Variants in ANXA10 observed in about 807,000 individuals in gnomAD.
ANXA10 encodes annexin 14.
A neutral mutation model predicts 53.5 loss-of-function variants in ANXA10; 49 were observed. That is an observed-to-expected ratio of 0.92 (90% CI 0.73 to 1.16). The LOEUF (loss-of-function observed/expected upper bound fraction) is 1.16. Ranked by LOEUF, ANXA10 falls within the 50% of genes most tolerant of loss-of-function variation. The pLI is 0.00. For synonymous variants in ANXA10, 131 were observed against 128.9 expected (o/e 1.02, Z -0.11); for missense variants, 393 against 394.4 (o/e 1.00, Z 0.03).
At chr4:168,173,413 G>T (rs993017416) in intron 6 of ANXA10, among the ~76,000 whole-genome samples, 2 of 152,164 alleles carry the variant, frequency 1.3e-5, no homozygotes, top group Non-Finnish European at 2.9e-5. Context: ...TGGATGAGAG[G>T]TAAGTCATTG....
chr4:168,138,925 ATT>A (rs1731282247), intron 2 of ANXA10, among the ~76,000 whole-genome samples: 1 of 152,120 alleles, frequency 6.6e-6, no homozygotes, highest in African/African-American at 2.4e-5. Context: ...AATGCTGCTG[ATT>A]TTCATACGTT....
chr4:168,167,072 C>G (rs2149478079), intron 6 of ANXA10, among the ~76,000 whole-genome samples: 1 of 152,264 alleles, frequency 6.6e-6, no homozygotes, highest in Non-Finnish European at 1.5e-5. Context: ...CTGAACCCCT[C>G]CAGTCCCAAT....
At chr4:168,149,278 C>A (rs1731458391) in intron 3 of ANXA10, among the ~76,000 whole-genome samples, 1 of 152,150 alleles carries the variant, frequency 6.6e-6, no homozygotes, top group African/African-American at 2.4e-5. Flanking sequence ...TTCACCCTTT[C>A]AAGTCTGTTA....
intron 1 of ANXA10, among the ~76,000 whole-genome samples, chr4:168,111,169 G>A (rs78759506): frequency 0.015 from 2,263 of 152,246 alleles, 33 homozygotes; most frequent in Non-Finnish European, 0.022. Context: ...TGTAGAAATT[G>A]TTCTAATAAA....
chr4:168,153,434 A>C (rs61134580), intron 3 of ANXA10, among the ~76,000 whole-genome samples: 7 of 56,350 alleles, frequency 1.2e-4, no homozygotes, highest in Non-Finnish European at 2.2e-4. Context: ...AAAAAAAAAA[A>C]AAAAAAACAA....
At chr4:168,126,152 T>C (rs568510217) in intron 1 of ANXA10, among the ~76,000 whole-genome samples, 2 of 152,254 alleles carry the variant, frequency 1.3e-5, no homozygotes, top group East Asian at 3.9e-4. Flanking sequence ...AAGGGCATTG[T>C]TCGAAAGGTA....
intron 6 of ANXA10, among the ~76,000 whole-genome samples, chr4:168,175,921 G>A (rs565721143): frequency 5.1e-4 from 78 of 152,242 alleles, no homozygotes; most frequent in Middle Eastern, 6.8e-3. Flanking sequence ...TTGTTATCAA[G>A]AAAAACAGCC....
chr4:168,116,009 G>T (rs989377888), intron 1 of ANXA10, among the ~76,000 whole-genome samples: 1 of 152,034 alleles, frequency 6.6e-6, no homozygotes, highest in African/African-American at 2.4e-5. Flanking sequence ...CTAAGGCACT[G>T]CCCTAGATGC....
chr4:168,153,449 AAAAACAAAAC>A (rs1731538165), intron 3 of ANXA10, among the ~76,000 whole-genome samples: 6 of 52,986 alleles, frequency 1.1e-4, no homozygotes, highest in East Asian at 2.9e-4. Context: ...AAACAAAAAC[AAAAACAAAAC>A]AAAAAAAAAA....
chr4:168,184,222 G>A (rs1261181294), intron 10 of ANXA10, among the ~76,000 whole-genome samples: 2 of 152,180 alleles, frequency 1.3e-5, no homozygotes, highest in East Asian at 1.9e-4. Context: ...TGAGTGGGAC[G>A]GTGTGAAGGT....
intron 3 of ANXA10, among the ~76,000 whole-genome samples, chr4:168,149,960 T>C (rs561712175): frequency 6.6e-6 from 1 of 152,322 alleles, no homozygotes; most frequent in South Asian, 2.1e-4. Flanking sequence ...CTGTGTTACA[T>C]TGCCCAGTAA....
intron 10 of ANXA10, among the ~76,000 whole-genome samples, chr4:168,182,767 T>C (rs1264501680): frequency 6.7e-6 from 1 of 148,786 alleles, no homozygotes; most frequent in Non-Finnish European, 1.5e-5. Context: ...TCCCAGCACT[T>C]TGGGAGGCCG....
chr4:168,181,390 C>CAAAAAA (rs556987548), intron 9 of ANXA10, among the ~76,000 whole-genome samples: 4 of 93,384 alleles, frequency 4.3e-5, no homozygotes, highest in African/African-American at 7.0e-5. Flanking sequence ...GACTCCGTCT[C>CAAAAAA]AAAAAAAAAA....
chr4:168,108,009 T>C (rs1445942886), intron 1 of ANXA10, among the ~76,000 whole-genome samples: 1 of 152,210 alleles, frequency 6.6e-6, no homozygotes, highest in Admixed American at 6.5e-5. Context: ...ATGTCTAATC[T>C]TGTGTCAAGG....
rs183003216 is a variant in ANXA10 at position 168,174,092 on chromosome 4, C to T, written c.481-3648C>T. ...ACTCACTAAAACCCTTCACCTTGCT[C>T]ACCCACTGACTGTCAGTGTAACCTC... On this transcript the variant is annotated intron_variant, in intron 6 of 11. Coordinates refer to ENST00000359299, the MANE Select transcript of ANXA10 (RefSeq NM_007193.5). 3.5e-3 allele frequency among the ~76,000 whole-genome samples: 536 copies of T among 152,188 alleles called. 9 individuals are homozygous for T. The highest frequency in any genetic ancestry group is 1.3e-3 in the Non-Finnish European group (86 of 68,008).
At chr4:168,155,990 ATACATAATT>A (rs1731646999) in intron 3 of ANXA10, among the ~76,000 whole-genome samples, 2 of 15,570 alleles carry the variant, frequency 1.3e-4, no homozygotes, top group African/African-American at 5.0e-4. Context: ...ATCATATATT[ATACATAATT>A]TATATTATAT....
chr4:168,152,406 T>C (rs1255620653), intron 3 of ANXA10, among the ~76,000 whole-genome samples: 2 of 152,190 alleles, frequency 1.3e-5, no homozygotes, highest in Admixed American at 1.3e-4. Context: ...AGGAGAATTG[T>C]AGGTGATGAA....
intron 1 of ANXA10, among the ~76,000 whole-genome samples, chr4:168,120,399 G>C (rs961581560): frequency 1.3e-5 from 2 of 151,876 alleles, no homozygotes; most frequent in Non-Finnish European, 2.9e-5. Context: ...GCACATCTTG[G>C]GGGAAAAATA....
rs781578423 is a variant in ANXA10, at chr4:168,145,443, T to C, written c.195+5863T>C. Among the ~76,000 whole-genome samples, 6 of 152,200 alleles carry C rather than the reference T, an allele frequency of 3.9e-5. No individual in the cohort carries two copies. The South Asian group carries it at 1.2e-3, about 31-fold the overall frequency. On this transcript the variant is annotated intron_variant, in intron 3 of 11. Transcript: ENST00000359299. ...TACCATCTTTGTTTCAAAGTTAAATTATAACCTAAGTTCCTCCCAAAGCTA... is the reference window on the plus strand; with the variant it reads ...TACCATCTTTGTTTCAAAGTTAAATCATAACCTAAGTTCCTCCCAAAGCTA...
Sources: gnomAD v4.1 joint callset for allele counts (sites outside exome capture counted in the v4.1 genomes callset) on GRCh38, gnomAD v4.1.1 for gene constraint, MANE v1.5 for transcripts, NCBI Gene and HGNC (gene_info 2026-07-23, HGNC 2026-07-21) for gene names.